AMMECR1: variants seen among roughly 807,000 people sequenced by gnomAD.
AMMECR1 encodes nuclear protein AMMECR1.
In AMMECR1, 3 loss-of-function variants were observed where a neutral mutation model predicts 22.5. The ratio of observed to expected loss-of-function variants is 0.13; its 90% CI spans 0.06 to 0.35. The LOEUF (loss-of-function observed/expected upper bound fraction) is 0.35, where lower values mean the gene tolerates loss of function less well. Among genes scored for constraint, AMMECR1 ranks in the 10% least tolerant of loss-of-function variants. The pLI is 1.00. For synonymous variants in AMMECR1, 130 were observed against 116.7 expected (o/e 1.11, Z -0.74); for missense variants, 235 against 278.7 (o/e 0.84, Z 1.12).
At chrX:110,230,171 T>G (rs1320704273) in intron 2 of AMMECR1, among the ~76,000 whole-genome samples, 1 of 112,593 alleles carries the variant, frequency 8.9e-6, no homozygotes, top group Admixed American at 9.3e-5. Flanking sequence ...AACACAGCGT[T>G]TGAGATCTGA....
chrX:110,363,524 C>T (rs1300221006), intron 2 of AMMECR1, among the ~76,000 whole-genome samples: 1 of 111,999 alleles, frequency 8.9e-6, no homozygotes, highest in Non-Finnish European at 1.9e-5. Flanking sequence ...CTTGGAAATG[C>T]TATGGCTGGG....
chrX:110,217,306 G>A (rs2067478460), intron 2 of AMMECR1, among the ~76,000 whole-genome samples: 1 of 109,391 alleles, frequency 9.1e-6, no homozygotes, highest in East Asian at 2.8e-4. Context: ...CAAAAATTGT[G>A]AAACTACAGG....
At chrX:110,377,792 G>A (rs2068387479) in intron 2 of AMMECR1, among the ~76,000 whole-genome samples, 2 of 109,204 alleles carry the variant, frequency 1.8e-5, no homozygotes, top group Non-Finnish European at 3.8e-5. Context: ...GGCGGATCAC[G>A]AGGTCAGGAG....
intron 1 of AMMECR1, among the ~76,000 whole-genome samples, chrX:110,281,881 T>G (rs994849954): frequency 1.8e-5 from 2 of 112,453 alleles, no homozygotes; most frequent in South Asian, 3.7e-4. Context: ...CAGCGTAAGC[T>G]CCAAGAAAAC....
intron 2 of AMMECR1, among the ~76,000 whole-genome samples, chrX:110,255,415 T>C (rs944425713): frequency 2.1e-4 from 24 of 111,781 alleles, no homozygotes; most frequent in African/African-American, 7.8e-4. Context: ...GCTCCACTCA[T>C]TTCAAAGGCT....
chrX:110,303,059 G>T (rs1253654581), intron 1 of AMMECR1, among the ~76,000 whole-genome samples: 1 of 111,567 alleles, frequency 9.0e-6, no homozygotes, highest in East Asian at 2.8e-4. Context: ...ATTTAAATTA[G>T]TTAAGAGTTA....
chrX:110,416,313 A>G (rs890785769), intron 2 of AMMECR1, among the ~76,000 whole-genome samples: 2 of 112,269 alleles, frequency 1.8e-5, no homozygotes, highest in African/African-American at 6.5e-5. Context: ...ACAAAGGGAC[A>G]GAGGTATGTA....
rs773303578 is a variant in AMMECR1, at chrX:110,242,870, T to C, written c.584+21619A>G. Among the ~76,000 whole-genome samples, 230 of 112,307 alleles carry C rather than the reference T, an allele frequency of 2.0e-3. 2 individuals are homozygous for C. Among genetic ancestry groups the C allele is most frequent in the African/African-American group, 7.3e-3 (225 of 30,982 alleles). On this transcript the variant is annotated intron_variant, in intron 2 of 5. Coordinates refer to ENST00000262844, the MANE Select transcript of AMMECR1 (RefSeq NM_015365.3). Reference sequence around the variant, plus strand: ...GAAATAAATGTAGTCATAAAACAATTTGGACACTTGTCTGAAATTGTTTCA... The same window carrying C: ...GAAATAAATGTAGTCATAAAACAATCTGGACACTTGTCTGAAATTGTTTCA...
chrX:110,280,645 TATC>T (rs2067847589), intron 1 of AMMECR1, among the ~76,000 whole-genome samples: 2 of 111,455 alleles, frequency 1.8e-5, no homozygotes, highest in South Asian at 7.4e-4. Context: ...AGAAAATAAA[TATC>T]ATACACAATC....
At chrX:110,425,973 C>T (rs1017896093) in intron 2 of AMMECR1, among the ~76,000 whole-genome samples, 4 of 110,379 alleles carry the variant, frequency 3.6e-5, no homozygotes, top group Non-Finnish European at 7.5e-5. Flanking sequence ...TTAGTGCGTG[C>T]GTGCGCGCAC....
At chrX:110,256,534 T>A (rs2067711966) in intron 2 of AMMECR1, among the ~76,000 whole-genome samples, 1 of 111,727 alleles carries the variant, frequency 9.0e-6, no homozygotes, top group South Asian at 3.7e-4. Flanking sequence ...ACTTTTATGT[T>A]GAAAGTTTGC....
chrX:110,321,202 G>C (rs2068077758), upstream of AMMECR1, among the ~76,000 whole-genome samples: 1 of 111,795 alleles, frequency 8.9e-6, no homozygotes, highest in Non-Finnish European at 1.9e-5. Flanking sequence ...GGATTCTCTT[G>C]ACTTGAAGTA....
At chrX:110,365,140 T>C (rs2068288709) in intron 2 of AMMECR1, among the ~76,000 whole-genome samples, 1 of 111,920 alleles carries the variant, frequency 8.9e-6, no homozygotes. Flanking sequence ...TTGTGGTCAG[T>C]TTGTGGGCCG....
Position 110,417,272 on chromosome X carries a change from C to G in AMMECR1, c.-148+9386G>C, listed in dbSNP as rs185679539. ...GGGAGTGAAGAGGCAGCAGGCCCAA[C>G]CTGCCAGCTTGAAAGCTTCATTTGA... On this transcript the variant is annotated intron_variant, in intron 2 of 7. Transcript: ENST00000372057. Among the ~76,000 whole-genome samples the G allele has an allele frequency of 8.9e-5, 10 of 112,243 alleles. No homozygotes were observed. In the East Asian group the frequency reaches 2.8e-3, roughly 31 times the overall value.
chrX:110,262,724 C>T (rs2067748414), intron 2 of AMMECR1, among the ~76,000 whole-genome samples: 1 of 111,941 alleles, frequency 8.9e-6, no homozygotes, highest in Non-Finnish European at 1.9e-5. Context: ...GGGATTTCTG[C>T]TACAATTTCA....
rs2067372627 is a variant in AMMECR1 at position 110,196,623 on chromosome X, GC to G, written c.*1896del. The G allele has an allele frequency of 9.0e-6, 1 of 111,308 alleles. No homozygotes were observed. The highest frequency in any genetic ancestry group is 1.9e-5 in the Non-Finnish European group (1 of 52,990). The allele number at this position is 111,308 out of a possible 1,213,427, so 9.2% of individuals were successfully genotyped here. A position where few individuals can be genotyped will look rare whatever the true frequency, so the allele number is the denominator to read the frequency against. On this transcript the variant is annotated 3_prime_UTR_variant, in exon 6 of 6. Transcript: ENST00000262844. ...CTAATCTCTAGCTTCATTGAAACTGGCTACCAAGATTGCATTTCAGGCTAAC... is the reference window on the plus strand; with the variant it reads ...CTAATCTCTAGCTTCATTGAAACTGGTACCAAGATTGCATTTCAGGCTAAC...
intron 2 of AMMECR1, among the ~76,000 whole-genome samples, chrX:110,385,561 T>G (rs1042521101): frequency 2.7e-5 from 3 of 111,892 alleles, no homozygotes; most frequent in African/African-American, 9.7e-5. Context: ...TAACCTACTT[T>G]CTGTCTGTAT....
intron 2 of AMMECR1, among the ~76,000 whole-genome samples, chrX:110,249,229 A>AT (rs777206421): frequency 1.6e-3 from 168 of 105,127 alleles, no homozygotes; most frequent in Middle Eastern, 4.8e-3. Flanking sequence ...TTATTCAGTG[A>AT]TTTTTTTTTT....
chrX:110,249,684 G>A lies in AMMECR1; in HGVS notation c.584+14805C>T, dbSNP rs537613008. Among the ~76,000 whole-genome samples the A allele has an allele frequency of 1.5e-4, 17 of 111,994 alleles. No individual in the cohort carries two copies. In the South Asian group the frequency reaches 5.6e-3, roughly 37 times the overall value. Reference sequence around the variant, plus strand: ...TGGGAGGCCAAGGTGGGCAGATCACGAGGTCAAGAGATCGAGACTATCCTG... The same window carrying A: ...TGGGAGGCCAAGGTGGGCAGATCACAAGGTCAAGAGATCGAGACTATCCTG... On this transcript the variant is annotated intron_variant, in intron 2 of 5. Transcript: ENST00000262844.
Sources: allele counts gnomAD v4.1 joint callset (sites outside exome capture counted in the v4.1 genomes callset), GRCh38; gene constraint gnomAD v4.1.1; transcripts MANE v1.5; gene names NCBI Gene and HGNC (gene_info 2026-07-23, HGNC 2026-07-21).